PTPRO: variants seen among roughly 807,000 people sequenced by gnomAD.
PTPRO encodes receptor-type tyrosine-protein phosphatase O.
PTPRO carries 62 observed loss-of-function variants against 145.2 expected under a neutral mutation model. That is an observed-to-expected ratio of 0.43 (90% confidence interval 0.35 to 0.53). The LOEUF (loss-of-function observed/expected upper bound fraction) is 0.53, where lower values mean the gene tolerates loss of function less well. Ranked by LOEUF, PTPRO falls within the 20% of genes least tolerant of loss-of-function variation. The pLI is 0.01. For missense variants in PTPRO, 1,345 were observed against 1,482.7 expected (o/e 0.91, Z 1.53); for synonymous variants, 565 against 514.7 (o/e 1.10, Z -1.32).
At chr12:15,357,050 G>A (rs1014082752) in intron 1 of PTPRO, among the ~76,000 whole-genome samples, 1 of 152,202 alleles carries the variant, frequency 6.6e-6, no homozygotes, top group African/African-American at 2.4e-5. Flanking sequence ...TGCCATGCAT[G>A]TGGTGTGAAC....
In PTPRO at chr12:15,594,967, C is replaced by A. The variant is rs759695777; in HGVS notation, c.3577C>A (p.Gln1193Lys). Residue 1193 changes from glutamine to lysine, a missense_variant, in exon 26 of 27, where the codon CAA becomes AAA. Physicochemically the swap from Gln to Lys is moderately conservative, Grantham distance 53. Around this residue, in one of 3 missense-constraint regions of PTPRO, gnomAD observed 208 missense variants for 242.8 expected, o/e 0.86. Coordinates refer to ENST00000281171, the MANE Select transcript of PTPRO (RefSeq NM_030667.3). ...EQYIFIHQCVQLMWMKKKQQF... is the reference protein window; with the variant it reads ...EQYIFIHQCVKLMWMKKKQQF... ...GTACATTTTTATCCATCAGTGTGTG[C>A]AACTGATGTGGATGAAGAAGAAGCA... The A allele has an allele frequency of 4.3e-6, 7 of 1,613,504 alleles. No individual in the cohort carries two copies. In the Admixed American group the frequency reaches 1.2e-4, roughly 27 times the overall value.
intron 2 of PTPRO, among the ~76,000 whole-genome samples, chr12:15,490,436 T>C (rs1941976819): frequency 6.6e-6 from 1 of 152,208 alleles, no homozygotes; most frequent in Non-Finnish European, 1.5e-5. Context: ...GGCTATATTA[T>C]AATTAAACTT....
chr12:15,384,191 C>T (rs933886396), intron 1 of PTPRO, among the ~76,000 whole-genome samples: 1 of 152,082 alleles, frequency 6.6e-6, no homozygotes, highest in African/African-American at 2.4e-5. Flanking sequence ...GGAGGAGGTC[C>T]ATTCAGTTGG....
rs143066184 is a variant in PTPRO, at chr12:15,341,002, A to G, written c.75+18201A>G. Among the ~76,000 whole-genome samples the G allele has an allele frequency of 4.6e-5, 7 of 152,354 alleles. No individual in the cohort carries two copies. In the East Asian group the frequency reaches 1.3e-3, roughly 29 times the overall value. ...ACATAATTAATTACTCATTACTTGC[A>G]TGTCAAGTTGCATAAAAAATTACAT... On this transcript the variant is annotated intron_variant, in intron 1 of 26. Coordinates refer to ENST00000281171, the MANE Select transcript of PTPRO (RefSeq NM_030667.3).
intron 1 of PTPRO, among the ~76,000 whole-genome samples, chr12:15,404,940 C>T (rs1167299666): frequency 6.6e-6 from 1 of 152,158 alleles, no homozygotes; most frequent in African/African-American, 2.4e-5. Context: ...TTGGTGAGGG[C>T]TGTCTTCCTG....
At chr12:15,465,119 G>C (rs1460541265) in intron 1 of PTPRO, among the ~76,000 whole-genome samples, 1 of 152,156 alleles carries the variant, frequency 6.6e-6, no homozygotes, top group Non-Finnish European at 1.5e-5. Context: ...CCAAAGAATG[G>C]AATCCTTTCA....
At chr12:15,579,104 T>C (rs1944252492) in intron 20 of PTPRO, among the ~76,000 whole-genome samples, 161 bp downstream of exon 20, 1 of 152,196 alleles carries the variant, frequency 6.6e-6, no homozygotes. Context: ...TTGATGTCTT[T>C]AGATCTTAGC....
Position 15,418,671 on chromosome 12 carries a change from T to C in PTPRO, c.76-65303T>C, listed in dbSNP as rs140481185. ...ATGGAATTTTGTGGAATGCACAGAA[T>C]GTAGGAGGTAGGAATACATATGGCA... is the stretch of plus-strand genomic sequence containing the variant. On this transcript the variant is annotated intron_variant, in intron 1 of 26. Transcript: ENST00000281171. Among the ~76,000 whole-genome samples, 62 of 151,842 alleles carry C rather than the reference T, an allele frequency of 4.1e-4. 1 individual carries two copies. The highest frequency in any genetic ancestry group is 1.4e-3 in the African/African-American group (57 of 41,128).
At chr12:15,509,609 A>G (rs1942395028) in intron 7 of PTPRO, among the ~76,000 whole-genome samples, 1 of 144,616 alleles carries the variant, frequency 6.9e-6, no homozygotes, top group South Asian at 2.3e-4. Context: ...AGGCAAGAGA[A>G]TCACTTGAAC....
At chr12:15,494,890 C>T (rs948605623) in intron 2 of PTPRO, among the ~76,000 whole-genome samples, 5 of 152,132 alleles carry the variant, frequency 3.3e-5, no homozygotes, top group Admixed American at 2.0e-4. Context: ...TGCTCCGTGG[C>T]TACTTTTTCT....
intron 1 of PTPRO, among the ~76,000 whole-genome samples, chr12:15,394,762 T>C (rs1181883738): frequency 1.3e-5 from 2 of 152,212 alleles, no homozygotes; most frequent in Non-Finnish European, 2.9e-5. Flanking sequence ...AGGTAGTCAG[T>C]GTAAGGTTCT....
intron 1 of PTPRO, among the ~76,000 whole-genome samples, chr12:15,344,857 A>G (rs890232077): frequency 6.6e-6 from 1 of 152,216 alleles, no homozygotes; most frequent in Non-Finnish European, 1.5e-5. Context: ...AGAACTCCAC[A>G]GCTCATGCCT....
chr12:15,355,526 T>A (rs1565582482), intron 1 of PTPRO, among the ~76,000 whole-genome samples: 1 of 152,112 alleles, frequency 6.6e-6, no homozygotes, highest in African/African-American at 2.4e-5. Flanking sequence ...AAAGCAGTGT[T>A]GGCCTTCACA....
chr12:15,395,809 TCACACACA>T (rs34553766), intron 1 of PTPRO, among the ~76,000 whole-genome samples: 20 of 147,888 alleles, frequency 1.4e-4, no homozygotes, highest in East Asian at 6.0e-4. Flanking sequence ...CAATTAAAGA[TCACACACA>T]CACACACACA....
chr12:15,477,391 A>G (rs946649840), intron 1 of PTPRO, among the ~76,000 whole-genome samples: 1 of 146,638 alleles, frequency 6.8e-6, no homozygotes, highest in African/African-American at 2.5e-5. Context: ...TGGGAGATAT[A>G]CCTAATGCTA....
At chr12:15,437,159 A>T (rs1341109839) in intron 1 of PTPRO, among the ~76,000 whole-genome samples, 1 of 151,796 alleles carries the variant, frequency 6.6e-6, no homozygotes, top group Non-Finnish European at 1.5e-5. Context: ...ATTTCTAGGC[A>T]TTCAGAGCGC....
At chr12:15,352,643 C>G (rs1256796169) in intron 1 of PTPRO, among the ~76,000 whole-genome samples, 9 of 78,808 alleles carry the variant, frequency 1.1e-4, no homozygotes, top group African/African-American at 4.8e-4. Flanking sequence ...GAGCAAGACT[C>G]TGTCTCAAAA....
chr12:15,590,650 A>G (rs560527871), intron 25 of PTPRO, among the ~76,000 whole-genome samples: 2 of 152,134 alleles, frequency 1.3e-5, no homozygotes, highest in Non-Finnish European at 2.9e-5. Flanking sequence ...AATTTTTGGC[A>G]AGGCTGTTTC....
In PTPRO at chr12:15,499,460, C is replaced by A. The variant is rs944279283; in HGVS notation, c.527C>A (p.Thr176Lys). The A allele has an allele frequency of 2.5e-6, 4 of 1,613,202 alleles. No homozygotes were observed. The highest frequency in any genetic ancestry group is 3.4e-6 in the Non-Finnish European group (4 of 1,179,404). Reference sequence around the variant, plus strand: ...TTCACAGATTTCTTTAAGGGAAAAACAGTATTTAATCACTGGCTGCCAGGA... The same window carrying A: ...TTCACAGATTTCTTTAAGGGAAAAAAAGTATTTAATCACTGGCTGCCAGGA... ...MLYKDFFKGKTVFNHWLPGMC... is the reference protein window; with the variant it reads ...MLYKDFFKGKKVFNHWLPGMC... The change falls in exon 4 of 27, where the codon ACA (threonine) becomes AAA (lysine). Residue 176 changes from threonine (T) to lysine (K), a missense_variant. Transcript: ENST00000281171.
Sources: gnomAD v4.1 joint callset for allele counts (sites outside exome capture counted in the v4.1 genomes callset) on GRCh38, gnomAD v4.1.1 for gene constraint, gnomAD v4.1.1 regional missense constraint, MANE v1.5 for transcripts, NCBI Gene and HGNC (gene_info 2026-07-23, HGNC 2026-07-21) for gene names.